Variants in ADGRV1 observed in about 807,000 individuals in gnomAD.
ADGRV1 encodes adhesion G protein-coupled receptor V1, also known as G-protein coupled receptor 98.
In ADGRV1, 359 loss-of-function variants were observed where a neutral mutation model predicts 596.2. The observed-to-expected ratio is 0.60, with a 90% CI of 0.55 to 0.66. The LOEUF (loss-of-function observed/expected upper bound fraction) is 0.66. Ranked by LOEUF, ADGRV1 falls within the 30% of genes least tolerant of loss-of-function variation. The probability of loss-of-function intolerance (pLI) is 0.00; values close to 1 mark genes in which losing one functional copy is unlikely to be tolerated. For synonymous variants in ADGRV1, 2,681 were observed against 2,679.2 expected (o/e 1.00, Z -0.02); for missense variants, 7,274 against 7,575.6 (o/e 0.96, Z 1.48).
At chr5:90,873,953 A>G (rs1057383110) in intron 83 of ADGRV1, among the ~76,000 whole-genome samples, 2 of 152,102 alleles carry the variant, frequency 1.3e-5, no homozygotes, top group African/African-American at 4.8e-5. Context: ...ATGGACTCCA[A>G]ACTCTTCCCT....
chr5:90,864,637 A>G (rs1335230234), intron 83 of ADGRV1, among the ~76,000 whole-genome samples: 2 of 152,166 alleles, frequency 1.3e-5, no homozygotes, highest in East Asian at 3.8e-4. Context: ...GTGAAAATTC[A>G]GTTTGTTGTT....
At chr5:90,978,889 T>C (rs1779849191) in intron 84 of ADGRV1, among the ~76,000 whole-genome samples, 1 of 152,224 alleles carries the variant, frequency 6.6e-6, no homozygotes, top group African/African-American at 2.4e-5. Context: ...ATTTATTTCA[T>C]ATTTCTCAAT....
chr5:90,851,197 TTA>T (rs1766488376), intron 79 of ADGRV1, among the ~76,000 whole-genome samples: 1 of 146,026 alleles, frequency 6.8e-6, no homozygotes, highest in Admixed American at 7.0e-5. Context: ...TTTAGAGACA[TTA>T]TGTTGAGAAG....
intron 86 of ADGRV1, among the ~76,000 whole-genome samples, chr5:91,092,212 G>A (rs572655534): frequency 1.3e-5 from 2 of 152,248 alleles, no homozygotes; most frequent in South Asian, 4.1e-4. Context: ...GCAATTTCCT[G>A]CCTCAGCCTC....
At chr5:90,711,380 C>T in intron 41 of ADGRV1, 58 bp downstream of exon 41, 1 of 1,311,334 alleles carries the variant, frequency 7.6e-7, no homozygotes, top group Non-Finnish European at 1.0e-6. Context: ...ATCATTATTC[C>T]TTGAGAATTA....
chr5:90,832,454 A>G (rs886435028), intron 77 of ADGRV1, among the ~76,000 whole-genome samples: 3 of 151,904 alleles, frequency 2.0e-5, no homozygotes, highest in Admixed American at 2.0e-4. Context: ...GGATTATTAC[A>G]TTTTTACTCA....
intron 11 of ADGRV1, among the ~76,000 whole-genome samples, chr5:90,641,116 G>C (rs1766917185): frequency 6.6e-6 from 1 of 152,114 alleles, no homozygotes; most frequent in East Asian, 1.9e-4. Flanking sequence ...TTTGAAATTT[G>C]AGAATTAGTG....
rs532224852 is a variant in ADGRV1, at chr5:90,950,700, A to T, written c.17857-14715A>T. Among the ~76,000 whole-genome samples, 3 of 152,316 alleles carry T rather than the reference A, an allele frequency of 2.0e-5. No individual in the cohort carries two copies. The South Asian group carries it at 6.2e-4, about 32-fold the overall frequency. On this transcript the variant is annotated intron_variant, in intron 83 of 89. Coordinates refer to ENST00000405460, the MANE Select transcript of ADGRV1 (RefSeq NM_032119.4). The stretch of plus-strand genomic sequence containing the variant: ...GGATAAAGAAAAAAAGGGAGTCAAA[A>T]TTTTGAGTAACTTAAACCATTGAGT...
intron 87 of ADGRV1, among the ~76,000 whole-genome samples, chr5:91,133,313 A>T (rs2126806811): frequency 6.6e-6 from 1 of 152,276 alleles, no homozygotes; most frequent in African/African-American, 2.4e-5. Context: ...AGGAGAGAGA[A>T]GGGGTCACCC....
At chr5:91,042,895 C>T (rs1026776340) in intron 85 of ADGRV1, among the ~76,000 whole-genome samples, 2 of 152,178 alleles carry the variant, frequency 1.3e-5, no homozygotes, top group African/African-American at 2.4e-5. Context: ...TTGGCTTCAA[C>T]TCTTTATTGA....
intron 50 of ADGRV1, among the ~76,000 whole-genome samples, chr5:90,733,980 A>G (rs1752887976): frequency 6.6e-6 from 1 of 152,080 alleles, no homozygotes; most frequent in Non-Finnish European, 1.5e-5. Context: ...TATGAATTCA[A>G]CTTTTAAAAG....
intron 31 of ADGRV1, among the ~76,000 whole-genome samples, chr5:90,692,241 A>C (rs1468784019): frequency 6.6e-6 from 1 of 152,184 alleles, no homozygotes; most frequent in Non-Finnish European, 1.5e-5. Flanking sequence ...TTAACGCTCC[A>C]TTAAAATGTA....
intron 87 of ADGRV1, among the ~76,000 whole-genome samples, chr5:91,112,259 A>C (rs1241317223): frequency 6.6e-6 from 1 of 152,192 alleles, no homozygotes; most frequent in Non-Finnish European, 1.5e-5. Flanking sequence ...ACCTTTTCAT[A>C]CCTGGCTCCC....
chr5:90,731,751 A>G (rs1302874316), intron 50 of ADGRV1, among the ~76,000 whole-genome samples: 2 of 152,220 alleles, frequency 1.3e-5, no homozygotes, highest in Non-Finnish European at 2.9e-5. Context: ...ATCATCCAGC[A>G]GTTTTCACAC....
At position 90,658,234 on chromosome 5, in the gene ADGRV1, A is replaced by G. The variant is rs537211169; in HGVS notation, c.4708A>G (p.Asn1570Asp). The G allele has an allele frequency of 4.5e-6, 7 of 1,542,568 alleles. No homozygotes were observed. In the African/African-American group the frequency reaches 9.6e-5, roughly 21 times the overall value. Reference protein sequence around the residue: ...TARLTIQKSDNANGLFGFTGA... With the variant: ...TARLTIQKSDDANGLFGFTGA... ...AAGATTAACAATACAAAAAAGTGAC[A>G]ATGCAAATGGCTTGTTTGGTTTCAC... The change falls in exon 21 of 90, where the codon AAT (asparagine) becomes GAT (aspartate). Residue 1570 changes from asparagine to aspartate, a missense_variant. Around this residue, in one of 5 missense-constraint regions of ADGRV1, gnomAD observed 3,643 missense variants for 3,809.2 expected, o/e 0.96. Transcript: ENST00000405460.
intron 1 of ADGRV1, among the ~76,000 whole-genome samples, chr5:90,600,329 G>A (rs1377880530): frequency 1.3e-5 from 2 of 152,002 alleles, no homozygotes; most frequent in East Asian, 3.9e-4. Flanking sequence ...AACAGGCCTT[G>A]GGGTGTGATA....
At chr5:91,050,403 A>G (rs1786211775) in intron 85 of ADGRV1, among the ~76,000 whole-genome samples, 1 of 152,090 alleles carries the variant, frequency 6.6e-6, no homozygotes, top group Admixed American at 6.5e-5. Flanking sequence ...GCACTTCACA[A>G]TGTCCTTATC....
chr5:90,909,892 TA>T (rs1052237123), intron 83 of ADGRV1, among the ~76,000 whole-genome samples: 1 of 152,164 alleles, frequency 6.6e-6, no homozygotes, highest in African/African-American at 2.4e-5. Flanking sequence ...ACCAAACATT[TA>T]AAATATAAAA....
At position 90,974,667 on chromosome 5, in the gene ADGRV1, A is replaced by T. The variant is rs528445235; in HGVS notation, c.17973+9136A>T. On this transcript the variant is annotated intron_variant, in intron 84 of 89. Transcript: ENST00000405460. ...GCCATATGTAGAAAGCTGAAACTGGATCCCTTCCTTACACCTTATACAAAA... is the reference window on the plus strand; with the variant it reads ...GCCATATGTAGAAAGCTGAAACTGGTTCCCTTCCTTACACCTTATACAAAA... Among the ~76,000 whole-genome samples the T allele has an allele frequency of 2.0e-5, 3 of 152,312 alleles. No individual in the cohort carries two copies. In the South Asian group the frequency reaches 6.2e-4, roughly 32 times the overall value.
Sources: allele counts gnomAD v4.1 joint callset (sites outside exome capture counted in the v4.1 genomes callset), GRCh38; gene constraint gnomAD v4.1.1; regional missense constraint gnomAD v4.1.1; transcripts MANE v1.5; gene names NCBI Gene and HGNC (gene_info 2026-07-23, HGNC 2026-07-21).